AQR: variants seen among roughly 807,000 people sequenced by gnomAD.
AQR encodes the protein aquarius intron-binding spliceosomal factor.
AQR carries 61 observed loss-of-function variants against 180.5 expected under a neutral mutation model. The ratio of observed to expected loss-of-function variants is 0.34; its 90% CI spans 0.28 to 0.42. The LOEUF (loss-of-function observed/expected upper bound fraction) is 0.42. Ranked by LOEUF, AQR falls within the 10% of genes least tolerant of loss-of-function variation. The pLI, the probability that AQR is intolerant of heterozygous loss-of-function variation, is 1.00. For missense variants in AQR, 1,281 were observed against 1,798.3 expected (o/e 0.71, Z 5.20); for synonymous variants, 551 against 588.8 (o/e 0.94, Z 0.93).
intron 32 of AQR, 80 bp from the exon 33 acceptor site, chr15:34,863,121 A>C: frequency 7.5e-6 from 10 of 1,328,896 alleles, no homozygotes; most frequent in East Asian, 2.5e-5. Context: ...CACAGATTTC[A>C]TTAGATAGTC....
At chr15:34,928,007 C>T (rs1893790908) in intron 12 of AQR, among the ~76,000 whole-genome samples, 1 of 152,188 alleles carries the variant, frequency 6.6e-6, no homozygotes, top group Non-Finnish European at 1.5e-5. Context: ...AATAATGATG[C>T]CTTGCCTGTG....
In AQR at chr15:34,886,502, AT is replaced by A. The variant is rs775023511; in HGVS notation, c.2817+23del. On this transcript the variant is annotated intron_variant, in intron 25 of 34. Transcript: ENST00000156471. The stretch of plus-strand genomic sequence containing the variant: ...GGGGTTCATATTATGATGAAGTATG[AT>A]TCAAAAACCCTTAATATCTTACCTG... 91 of 1,583,906 alleles carry A rather than the reference AT, an allele frequency of 5.7e-5. 2 individuals are homozygous for A. The South Asian group carries it at 9.7e-4, about 17-fold the overall frequency.
At chr15:34,950,246 C>T (rs1894205321) in intron 4 of AQR, among the ~76,000 whole-genome samples, 2 of 151,982 alleles carry the variant, frequency 1.3e-5, no homozygotes, top group African/African-American at 2.4e-5. Context: ...TGTGCCACCA[C>T]ACCCAGCTAA....
intron 27 of AQR, among the ~76,000 whole-genome samples, chr15:34,877,269 T>A (rs1342642943): frequency 6.6e-6 from 1 of 152,224 alleles, no homozygotes; most frequent in African/African-American, 2.4e-5. Flanking sequence ...CTTGTTTTGG[T>A]ACAATACCTT....
chr15:34,885,961 A>C (rs966152156), intron 25 of AQR, among the ~76,000 whole-genome samples: 1 of 152,214 alleles, frequency 6.6e-6, no homozygotes, highest in African/African-American at 2.4e-5. Flanking sequence ...ACTGACTATT[A>C]AAGTTTAGTT....
intron 27 of AQR, among the ~76,000 whole-genome samples, chr15:34,882,171 T>C (rs1892980901): frequency 6.6e-6 from 1 of 152,106 alleles, no homozygotes; most frequent in African/African-American, 2.4e-5. Context: ...TTATTATTAC[T>C]ATTTTTTTAA....
intron 33 of AQR, among the ~76,000 whole-genome samples, chr15:34,861,015 A>G (rs1892663355): frequency 6.6e-6 from 1 of 152,234 alleles, no homozygotes; most frequent in African/African-American, 2.4e-5. Flanking sequence ...CCTAAAATAG[A>G]GATTAACAAC....
intron 1 of AQR, among the ~76,000 whole-genome samples, chr15:34,968,504 C>G (rs1400144630): frequency 2.7e-5 from 4 of 149,398 alleles, no homozygotes; most frequent in Non-Finnish European, 6.0e-5. Flanking sequence ...GTGATCCGCC[C>G]GCCTCGGCCT....
intron 3 of AQR, among the ~76,000 whole-genome samples, chr15:34,959,784 G>A (rs1474885691): frequency 6.6e-6 from 1 of 152,120 alleles, no homozygotes; most frequent in African/African-American, 2.4e-5. Flanking sequence ...CCAAATCTAT[G>A]ACATCTTGAA....
At chr15:34,966,317 T>C (rs2050309497) in intron 1 of AQR, among the ~76,000 whole-genome samples, 1 of 152,114 alleles carries the variant, frequency 6.6e-6, no homozygotes, top group Admixed American at 6.6e-5. Context: ...TGCTCAGAAA[T>C]TAAATTAAAA....
intron 1 of AQR, 67 bp from the exon 2 acceptor site, chr15:34,964,357 A>T (rs1373460163): frequency 7.7e-7 from 1 of 1,298,004 alleles, no homozygotes; most frequent in African/African-American, 1.5e-5. Flanking sequence ...AAGACAGATC[A>T]TTTAGTGATA....
intron 34 of AQR, 125 bp downstream of exon 34, chr15:34,859,914 AAAT>A (rs1487868337): frequency 2.3e-6 from 1 of 429,140 alleles, no homozygotes; most frequent in Non-Finnish European, 4.0e-6. Flanking sequence ...AATGTTACAT[AAAT>A]AATAATAGCC....
chr15:34,941,061 G>T, intron 7 of AQR, 62 bp from the exon 8 acceptor site: 1 of 1,168,050 alleles, frequency 8.6e-7, no homozygotes, highest in Non-Finnish European at 1.2e-6. Context: ...ATAAGGATTA[G>T]ATCAACTATT....
At chr15:34,911,338 CTGTT>C (rs1893495758) in intron 16 of AQR, among the ~76,000 whole-genome samples, 1 of 152,084 alleles carries the variant, frequency 6.6e-6, no homozygotes, top group African/African-American at 2.4e-5. Flanking sequence ...TATGATAGCT[CTGTT>C]TTTTAATTTT....
intron 13 of AQR, among the ~76,000 whole-genome samples, chr15:34,926,039 C>T (rs918264160): frequency 1.3e-3 from 198 of 150,750 alleles, no homozygotes; most frequent in African/African-American, 4.7e-3. Flanking sequence ...TGGTGGCGGG[C>T]GCCTGTAGTC....
At position 34,854,839 on chromosome 15, in the gene AQR, ATCATACCTCAT is replaced by A. The variant is rs1027126749; in HGVS notation, c.*1942_*1952del. The A allele has an allele frequency of 1.3e-5, 2 of 152,240 alleles. No individual in the cohort carries two copies. Among genetic ancestry groups the A allele is most frequent in the Non-Finnish European group, 2.9e-5 (2 of 68,038 alleles). 9.4% of individuals were successfully genotyped at this position (152,240 alleles called of 1,614,324 possible). ...CAGCCAGCTTATTTTGGTTGCAGGT[ATCATACCTCAT>A]ATCCCCTAAGGGAGAGAGAAAAATC... On this transcript the variant is annotated 3_prime_UTR_variant, in exon 35 of 35. Coordinates refer to ENST00000156471, the MANE Select transcript of AQR (RefSeq NM_014691.3).
At chr15:34,941,989 A>C (rs758019065) in intron 7 of AQR, 23 bp downstream of exon 7, 1 of 1,583,814 alleles carries the variant, frequency 6.3e-7, no homozygotes, top group South Asian at 1.1e-5. Context: ...TACATTCATA[A>C]GACTCTGAAA....
At chr15:34,947,725 G>A (rs1253579129) in intron 5 of AQR, among the ~76,000 whole-genome samples, 5 of 151,834 alleles carry the variant, frequency 3.3e-5, no homozygotes, top group South Asian at 2.1e-4. Flanking sequence ...TTGCAGCCTC[G>A]AACTCCTGGG....
At chr15:34,949,541 G>A (rs1361098705) in intron 4 of AQR, among the ~76,000 whole-genome samples, 4 of 145,874 alleles carry the variant, frequency 2.7e-5, no homozygotes, top group Admixed American at 1.4e-4. Context: ...CCCGGGAGGC[G>A]GAGATTGCAG....
Sources: gnomAD v4.1 joint callset for allele counts (sites outside exome capture counted in the v4.1 genomes callset) on GRCh38, gnomAD v4.1.1 for gene constraint, MANE v1.5 for transcripts, NCBI Gene and HGNC (gene_info 2026-07-23, HGNC 2026-07-21) for gene names.